The following BRD10 variants were observed in gnomAD, a reference collection of about 807,000 sequenced individuals.
BRD10 encodes the protein bromodomain containing 10, also known as uncharacterized bromodomain-containing protein 10.
At chr9:5,917,627 G>A in the BRD10 span, among the ~76,000 whole-genome samples, 4 of 152,192 alleles carry the variant, frequency 2.6e-5, no homozygotes, top group South Asian at 2.1e-4. Context: ...TGAGGTGGGC[G>A]GATCACCTGA....
the BRD10 span, chr9:5,919,839 C>G: frequency 6.2e-7 from 1 of 1,613,908 alleles, no homozygotes; most frequent in Non-Finnish European, 8.5e-7. Flanking sequence ...TTCAAAATGG[C>G]TCCTTCTGGG....
the BRD10 span, among the ~76,000 whole-genome samples, chr9:5,928,218 A>G: frequency 1.3e-5 from 2 of 152,122 alleles, no homozygotes; most frequent in Admixed American, 6.6e-5. Context: ...CTTTCAAGGT[A>G]TATCCAGAAT....
chr9:5,998,526 A>C, the BRD10 span, among the ~76,000 whole-genome samples: 1 of 152,064 alleles, frequency 6.6e-6, no homozygotes, highest in African/African-American at 2.4e-5. Flanking sequence ...TCAGGAGAAA[A>C]GACTCCTTTC....
At chr9:5,948,521 C>A in the BRD10 span, among the ~76,000 whole-genome samples, 1 of 151,780 alleles carries the variant, frequency 6.6e-6, no homozygotes, top group Admixed American at 6.6e-5. Context: ...AACTCCATGA[C>A]CGTATCTCAG....
the BRD10 span, chr9:6,007,390 G>A: frequency 3.1e-6 from 5 of 1,610,458 alleles, no homozygotes; most frequent in African/African-American, 2.7e-5. Context: ...GCCCTGTCCG[G>A]GCTGCTGCGG....
At chr9:5,956,636 G>C in the BRD10 span, among the ~76,000 whole-genome samples, 1 of 152,092 alleles carries the variant, frequency 6.6e-6, no homozygotes, top group African/African-American at 2.4e-5. Context: ...TATTGCTTTA[G>C]CTTTAGCTAA....
At chr9:6,008,309 G>A in the BRD10 span, 1 of 985,094 alleles carries the variant, frequency 1.0e-6, no homozygotes, top group Non-Finnish European at 1.2e-6. Context: ...GAAGGAGGCG[G>A]TGCACGGACG....
the BRD10 span, among the ~76,000 whole-genome samples, chr9:5,986,047 G>A: frequency 2.6e-5 from 4 of 152,098 alleles, no homozygotes; most frequent in African/African-American, 9.7e-5. Flanking sequence ...GTGCCATGGT[G>A]GTTTGCTGCA....
chr9:5,920,457 C>A, the BRD10 span: 3 of 1,613,970 alleles, frequency 1.9e-6, no homozygotes, highest in Non-Finnish European at 2.5e-6. Context: ...ATGGTAGTGC[C>A]ACCTGGAGCA....
At chr9:5,932,083 T>C in the BRD10 span, among the ~76,000 whole-genome samples, 1 of 152,288 alleles carries the variant, frequency 6.6e-6, no homozygotes, top group South Asian at 2.1e-4. Flanking sequence ...GAAATTAATG[T>C]AAAGAGAAGA....
chr9:6,007,341 G>T, the BRD10 span: 4 of 1,613,604 alleles, frequency 2.5e-6, no homozygotes, highest in Non-Finnish European at 3.4e-6. Context: ...CCCCGTACTG[G>T]CCGCTGGCGA....
chr9:5,946,366 T>C, the BRD10 span, among the ~76,000 whole-genome samples: 249 of 152,142 alleles, frequency 1.6e-3, 2 homozygotes, highest in African/African-American at 5.7e-3. Flanking sequence ...AGTGGGACAG[T>C]GTAGCTGGTA....
the BRD10 span, among the ~76,000 whole-genome samples, chr9:5,889,704 G>C: frequency 9.9e-5 from 15 of 152,178 alleles, no homozygotes; most frequent in Admixed American, 4.6e-4. Flanking sequence ...AGAATTGCTT[G>C]AACCTGGGAG....
At chr9:5,998,558 T>C in the BRD10 span, among the ~76,000 whole-genome samples, 2 of 152,104 alleles carry the variant, frequency 1.3e-5, no homozygotes, top group South Asian at 2.1e-4. Flanking sequence ...ACAGCTTTTG[T>C]TCATAAGCAA....
the BRD10 span, among the ~76,000 whole-genome samples, chr9:5,945,322 G>C: frequency 2.0e-5 from 3 of 152,048 alleles, no homozygotes; most frequent in Non-Finnish European, 4.4e-5. Context: ...TTTAAGAAAT[G>C]CTTCATCAGG....
At chr9:5,937,129 C>G in the BRD10 span, among the ~76,000 whole-genome samples, 2 of 150,940 alleles carry the variant, frequency 1.3e-5, no homozygotes, top group Admixed American at 6.6e-5. Context: ...GCTCAGGAGG[C>G]TGAGGCAGGA....
chr9:5,982,326 A>G, the BRD10 span, among the ~76,000 whole-genome samples: 1 of 152,134 alleles, frequency 6.6e-6, no homozygotes, highest in African/African-American at 2.4e-5. Flanking sequence ...AGTGAAACAA[A>G]TGAGATGATC....
chr9:5,989,925 T>C, the BRD10 span, among the ~76,000 whole-genome samples: 1 of 152,188 alleles, frequency 6.6e-6, no homozygotes, highest in African/African-American at 2.4e-5. Flanking sequence ...AGAATAACTT[T>C]GTAACAACCT....
the BRD10 span, chr9:5,922,474 T>C: frequency 1.9e-6 from 3 of 1,613,978 alleles, no homozygotes; most frequent in South Asian, 3.3e-5. Context: ...TTGATAAAGG[T>C]GTAATTGTTT....
Sources: allele counts gnomAD v4.1 joint callset (sites outside exome capture counted in the v4.1 genomes callset), GRCh38; gene constraint gnomAD v4.1.1; transcripts MANE v1.5; gene names NCBI Gene and HGNC (gene_info 2026-07-23, HGNC 2026-07-21).